JAM2: variants seen among roughly 807,000 people sequenced by gnomAD.
The protein encoded by JAM2 is junctional adhesion molecule 2, also known as junctional adhesion molecule B.
In JAM2, 17 loss-of-function variants were observed where a neutral mutation model predicts 42.0. That is an observed-to-expected ratio of 0.40 (90% CI 0.28 to 0.61). The LOEUF (loss-of-function observed/expected upper bound fraction) is 0.61. JAM2 is among the 20% of genes least tolerant of loss of function. The pLI is 0.37. For synonymous variants in JAM2, 118 were observed against 128.6 expected (o/e 0.92, Z 0.56); for missense variants, 319 against 358.3 (o/e 0.89, Z 0.89).
rs561806610 is a variant in JAM2 at position 25,696,059 on chromosome 21, C to G, written c.394+2151C>G. Among the ~76,000 whole-genome samples, 6 of 152,282 alleles carry G rather than the reference C, an allele frequency of 3.9e-5. No homozygotes were observed. The East Asian group carries it at 1.2e-3, about 29-fold the overall frequency. ...GGCGGCTGGGAGGTGGAGGTTGTAG[C>G]GAGCCGAGATCACGCCACTGCACTC... On this transcript the variant is annotated intron_variant, in intron 4 of 9. Transcript: ENST00000480456.
At position 25,639,535 on chromosome 21, in the gene JAM2, G is replaced by A. The variant is rs1048927918; in HGVS notation, c.-287G>A. 5.8e-6 allele frequency: 2 copies of A among 342,642 alleles called. No individual in the cohort carries two copies. The highest frequency in any genetic ancestry group is 1.0e-5 in the Non-Finnish European group (2 of 191,066). The allele number at this position is 342,642 out of a possible 1,614,324, so 21.2% of individuals were successfully genotyped here. A position where few individuals can be genotyped will look rare whatever the true frequency, so the allele number is the denominator to read the frequency against. On this transcript the variant is annotated 5_prime_UTR_variant, in exon 1 of 10. Transcript: ENST00000480456. ...TCCTGCTGCCCCCTCGCTAGGACCC[G>A]GCGGACGCCTCGTCTGGTTTTCACG...
chr21:25,676,028 C>G (rs2033483121), intron 1 of JAM2, among the ~76,000 whole-genome samples: 1 of 152,178 alleles, frequency 6.6e-6, no homozygotes, highest in Non-Finnish European at 1.5e-5. Flanking sequence ...TGGCTCACGT[C>G]TGTAATCCTA....
intron 1 of JAM2, among the ~76,000 whole-genome samples, chr21:25,670,410 C>T (rs976291087): frequency 2.0e-5 from 3 of 151,688 alleles, no homozygotes; most frequent in African/African-American, 4.8e-5. Context: ...GCTGGAGCCC[C>T]GGGAGATCAA....
intron 2 of JAM2, among the ~76,000 whole-genome samples, chr21:25,687,427 C>T (rs150392913): frequency 3.3e-5 from 5 of 152,232 alleles, no homozygotes; most frequent in South Asian, 2.1e-4. Context: ...CATGTTATAG[C>T]GCAATAACCC....
intron 1 of JAM2, among the ~76,000 whole-genome samples, chr21:25,677,260 T>G (rs1447543596): frequency 1.3e-5 from 2 of 152,166 alleles, no homozygotes; most frequent in Non-Finnish European, 2.9e-5. Context: ...ATTAATTTAT[T>G]AAAGCTAATT....
At chr21:25,667,423 T>C (rs2033251518) in intron 1 of JAM2, among the ~76,000 whole-genome samples, 1 of 152,216 alleles carries the variant, frequency 6.6e-6, no homozygotes, top group Non-Finnish European at 1.5e-5. Context: ...CTTACATTAT[T>C]ACAAGAAGGG....
chr21:25,687,662 G>A (rs1167797643), intron 2 of JAM2, among the ~76,000 whole-genome samples: 1 of 152,128 alleles, frequency 6.6e-6, no homozygotes, highest in African/African-American at 2.4e-5. Flanking sequence ...TTCTCTCATG[G>A]TTCTGGAGGC....
intron 1 of JAM2, among the ~76,000 whole-genome samples, chr21:25,644,440 C>A (rs958708122): frequency 6.6e-6 from 1 of 152,172 alleles, no homozygotes; most frequent in African/African-American, 2.4e-5. Context: ...CCACTCACGG[C>A]CCTGTCCTGC....
At chr21:25,686,914 C>G (rs938301683) in intron 2 of JAM2, among the ~76,000 whole-genome samples, 2 of 152,086 alleles carry the variant, frequency 1.3e-5, no homozygotes, top group African/African-American at 2.4e-5. Context: ...TTTTTATAAA[C>G]AAAGAATTCT....
At chr21:25,712,417 A>G (rs371268696) in intron 9 of JAM2, 35 bp downstream of exon 9, 3 of 1,441,268 alleles carry the variant, frequency 2.1e-6, no homozygotes, top group Non-Finnish European at 2.9e-6. Context: ...TAGAATGAAT[A>G]TGTTTGGGGA....
intron 1 of JAM2, among the ~76,000 whole-genome samples, chr21:25,662,663 G>A (rs2033119884): frequency 6.6e-6 from 1 of 152,012 alleles, no homozygotes; most frequent in Non-Finnish European, 1.5e-5. Flanking sequence ...TGGTCTCATA[G>A]CCTAAGTATT....
intron 1 of JAM2, among the ~76,000 whole-genome samples, chr21:25,658,998 G>A (rs1028324391): frequency 5.9e-5 from 9 of 152,142 alleles, no homozygotes; most frequent in Admixed American, 3.9e-4. Context: ...CAGTGTCCCT[G>A]TCTCTCACCA....
intron 1 of JAM2, among the ~76,000 whole-genome samples, chr21:25,655,647 ATTTTTTTTTTTTTTTT>A (rs536746237): frequency 2.0e-4 from 18 of 90,784 alleles, no homozygotes; most frequent in South Asian, 4.3e-4. Context: ...CGCCCAGCTA[ATTTTTTTTTTTTTTTT>A]TTTTTTTTTT....
At position 25,712,340 on chromosome 21, in the gene JAM2, G is replaced by A. The variant is rs1568922321; in HGVS notation, c.822G>A (p.Gln274=). ...KGYFSKETSF[Q]KSNSSSKATT... ...ATTGTCTTTTATATTCCACAAACAGGAAGAGTAATTCTTCATCTAAAGCCA... is the reference window on the plus strand; with the variant it reads ...ATTGTCTTTTATATTCCACAAACAGAAAGAGTAATTCTTCATCTAAAGCCA... The change falls in exon 9 of 10, where the codon CAG becomes CAA. Residue 274 remains glutamine (Q), a splice_region_variant and synonymous_variant. Coordinates refer to ENST00000480456, the MANE Select transcript of JAM2 (RefSeq NM_021219.4). 6.3e-7 allele frequency: 1 copy of A among 1,585,130 alleles called. No homozygotes were observed. Among genetic ancestry groups the A allele is most frequent in the East Asian group, 2.2e-5 (1 of 44,644 alleles).
At chr21:25,680,237 T>C (rs962853924) in intron 1 of JAM2, among the ~76,000 whole-genome samples, 1 of 152,244 alleles carries the variant, frequency 6.6e-6, no homozygotes, top group Non-Finnish European at 1.5e-5. Flanking sequence ...TTTCCATTAA[T>C]CTAATGGCTA....
In JAM2 at chr21:25,639,309, G is replaced by A. The variant is rs567743354; in HGVS notation, c.-513G>A. 6.5e-6 allele frequency: 1 copy of A among 153,604 alleles called. No homozygotes were observed. Among genetic ancestry groups the A allele is most frequent in the African/African-American group, 2.4e-5 (1 of 41,630 alleles). 9.5% of individuals were successfully genotyped at this position (153,604 alleles called of 1,614,324 possible). A position where few individuals can be genotyped will look rare whatever the true frequency, so the allele number is the denominator to read the frequency against. On this transcript the variant is annotated 5_prime_UTR_variant, in exon 1 of 10. Transcript: ENST00000480456. Reference sequence around the variant, plus strand: ...GAAGAAAGGAGTTGGGGCAAAACAGGAGGCGTTTCCCTACCCGCATACATC... The same window carrying A: ...GAAGAAAGGAGTTGGGGCAAAACAGAAGGCGTTTCCCTACCCGCATACATC...
intron 1 of JAM2, among the ~76,000 whole-genome samples, chr21:25,648,476 G>A (rs942747294): frequency 6.6e-5 from 10 of 151,750 alleles, no homozygotes; most frequent in African/African-American, 1.9e-4. Flanking sequence ...GTGTGTGTGT[G>A]TAAACGAGTG....
At chr21:25,654,836 T>A (rs984052775) in intron 1 of JAM2, among the ~76,000 whole-genome samples, 5 of 152,018 alleles carry the variant, frequency 3.3e-5, no homozygotes, top group Admixed American at 6.6e-5. Context: ...ACTCAGAAAG[T>A]GGGTTTTTCT....
rs755572296 is a variant in JAM2, at chr21:25,676,773, T to G, written c.68-7110T>G. On this transcript the variant is annotated intron_variant, in intron 1 of 9. Transcript: ENST00000480456. Reference sequence around the variant, plus strand: ...GAAAAAATAAAAATCACTTCAAGAATGCAGCCAACAGGGGCTATACCTAAC... The same window carrying G: ...GAAAAAATAAAAATCACTTCAAGAAGGCAGCCAACAGGGGCTATACCTAAC... Among the ~76,000 whole-genome samples, 4 of 152,332 alleles carry G rather than the reference T, an allele frequency of 2.6e-5. No individual in the cohort carries two copies. In the South Asian group the frequency reaches 8.3e-4, roughly 32 times the overall value.
Sources: allele counts gnomAD v4.1 joint callset (sites outside exome capture counted in the v4.1 genomes callset), GRCh38; gene constraint gnomAD v4.1.1; transcripts MANE v1.5; gene names NCBI Gene and HGNC (gene_info 2026-07-23, HGNC 2026-07-21).